MIA2: variants seen among roughly 807,000 people sequenced by gnomAD.
The protein encoded by MIA2 is melanoma inhibitory activity protein 2.
Under a neutral mutation model 167.8 loss-of-function variants are expected in MIA2, and 127 were observed. That is an observed-to-expected ratio of 0.76 (90% confidence interval 0.66 to 0.88). The LOEUF (loss-of-function observed/expected upper bound fraction) is 0.88. Among genes scored for constraint, MIA2 ranks in the 40% least tolerant of loss-of-function variants. MIA2 has a pLI of 0.00. For synonymous variants in MIA2, 552 were observed against 541.9 expected (o/e 1.02, Z -0.26); for missense variants, 1,690 against 1,624.7 (o/e 1.04, Z -0.69).
At position 39,247,328 on chromosome 14, in the gene MIA2, C is replaced by A. The variant is rs762661827; in HGVS notation, c.754C>A (p.Arg252=). ...TGAACCTGTACAAGAAAGCTCATTT[C>A]GGAGTAGAAAAATAGCAGTGGAAGA... is the stretch of plus-strand genomic sequence containing the variant. The part of the protein sequence containing the change: ...VIEPVQESSF[R]SRKIAVEDEN... Residue 252 remains arginine, a synonymous_variant, in exon 4 of 29, where the codon CGG becomes AGG. Transcript: ENST00000640607. 1.2e-6 allele frequency: 2 copies of A among 1,613,780 alleles called. No individual in the cohort carries two copies. Among genetic ancestry groups the A allele is most frequent in the African/African-American group, 1.3e-5 (1 of 74,846 alleles).
At position 39,299,305 on chromosome 14, in the gene MIA2, C is replaced by CTTTTTTTTTTTTT. The variant is rs34424266; in HGVS notation, c.2497-550_2497-538dup. Among the ~76,000 whole-genome samples, 16 of 95,110 alleles carry CTTTTTTTTTTTTT rather than the reference C, an allele frequency of 1.7e-4. 1 individual carries two copies. Among genetic ancestry groups the CTTTTTTTTTTTTT allele is most frequent in the Non-Finnish European group, 1.9e-4 (10 of 52,748 alleles). The allele number at this position is 95,110 out of a possible 152,430, so 62.4% of individuals were successfully genotyped here. Reference sequence around the variant, plus strand: ...GATCTGTTCTAGATTAATGGTATTTCTTTTTTTTTTTTTTTTTTTTTGAGA... The same window carrying CTTTTTTTTTTTTT: ...GATCTGTTCTAGATTAATGGTATTTCTTTTTTTTTTTTTTTTTTTTTTTTTTTTTTTTTTGAGA... On this transcript the variant is annotated intron_variant, in intron 13 of 28. Coordinates refer to ENST00000640607, the MANE Select transcript of MIA2 (RefSeq NM_001329214.4).
chr14:39,265,883 C>T (rs973194122), intron 6 of MIA2: 49 of 646,204 alleles, frequency 7.6e-5, no homozygotes, highest in Non-Finnish European at 9.2e-5. Flanking sequence ...TGTGTAATAC[C>T]TTATACCTTA....
At chr14:39,382,372 A>T (rs2075183331) in intron 23 of MIA2, among the ~76,000 whole-genome samples, 1 of 152,220 alleles carries the variant, frequency 6.6e-6, no homozygotes, top group Admixed American at 6.5e-5. Flanking sequence ...CTTCCTGGTC[A>T]CAAATTTGTA....
intron 23 of MIA2, among the ~76,000 whole-genome samples, chr14:39,382,972 T>C (rs8011616): frequency 0.063 from 9,419 of 148,510 alleles, 164 homozygotes; most frequent in South Asian, 0.15. Context: ...TTTTTTTTTT[T>C]TTTTGGTAAG....
At chr14:39,355,059 T>C (rs1328684472), downstream of MIA2, among the ~76,000 whole-genome samples, 2 of 110,740 alleles carry the variant, frequency 1.8e-5, no homozygotes, top group Non-Finnish European at 3.7e-5. Flanking sequence ...TTTGGTTCCA[T>C]ATGAACTTTA....
intron 6 of MIA2, among the ~76,000 whole-genome samples, chr14:39,257,297 A>G (rs994140186): frequency 1.3e-5 from 2 of 152,208 alleles, no homozygotes; most frequent in African/African-American, 4.8e-5. Flanking sequence ...TATTTAGGAT[A>G]GTTAGCTCTT....
intron 17 of MIA2, among the ~76,000 whole-genome samples, chr14:39,304,871 G>A (rs2063084769): frequency 6.6e-6 from 1 of 152,102 alleles, no homozygotes; most frequent in South Asian, 2.1e-4. Flanking sequence ...TGTTTATTTT[G>A]CTGATAGTGT....
intron 11 of MIA2, 88 bp from the exon 12 acceptor site, chr14:39,293,912 A>G: frequency 1.0e-6 from 1 of 974,846 alleles, no homozygotes; most frequent in Non-Finnish European, 1.6e-6. Flanking sequence ...ATGGAGCTAA[A>G]GTGTTAGGTT....
At position 39,313,361 on chromosome 14, in the gene MIA2, T is replaced by G. The variant is rs1269454319; in HGVS notation, c.3039T>G (p.Asn1013Lys). 6 of 1,595,934 alleles carry G rather than the reference T, an allele frequency of 3.8e-6. No homozygotes were observed. The highest frequency in any genetic ancestry group is 5.1e-6 in the Non-Finnish European group (6 of 1,170,780). ...TAAGGAAATTAACAGTAGAGGAAAATTATCGGTTAGAGAAAGAAGAGAAAC... is the reference window on the plus strand; with the variant it reads ...TAAGGAAATTAACAGTAGAGGAAAAGTATCGGTTAGAGAAAGAAGAGAAAC... ...KLHRKLTVEENYRLEKEEKLS... is the reference protein window; with the variant it reads ...KLHRKLTVEEKYRLEKEEKLS... Residue 1013 changes from asparagine (N) to lysine (K), a missense_variant, in exon 19 of 29, where the codon AAT becomes AAG. By Grantham distance (94) the Asn-to-Lys change is moderately conservative. Coordinates refer to ENST00000640607, the MANE Select transcript of MIA2 (RefSeq NM_001329214.4).
At chr14:39,254,439 C>T (rs977812025) in intron 6 of MIA2, among the ~76,000 whole-genome samples, 2 of 152,088 alleles carry the variant, frequency 1.3e-5, no homozygotes, top group Non-Finnish European at 2.9e-5. Flanking sequence ...TCTATCAATG[C>T]TGTCAAATAA....
At chr14:39,385,361 CAA>C in intron 23 of MIA2, 4 of 948,222 alleles carry the variant, frequency 4.2e-6, no homozygotes, top group South Asian at 2.7e-5. Flanking sequence ...CTTGCACAAA[CAA>C]GACATTCATA....
intron 22 of MIA2, among the ~76,000 whole-genome samples, chr14:39,318,250 AT>A (rs2065841313): frequency 6.6e-6 from 1 of 152,054 alleles, no homozygotes; most frequent in African/African-American, 2.4e-5. Flanking sequence ...TATAACTAGA[AT>A]TTTTTTTAAA....
chr14:39,345,833 A>C (rs1411521475), intron 25 of MIA2, 71 bp from the exon 26 acceptor site: 4 of 1,339,828 alleles, frequency 3.0e-6, no homozygotes, highest in Non-Finnish European at 1.0e-6. Flanking sequence ...GTGTAAGTTC[A>C]ATACGTTAAA....
intron 25 of MIA2, among the ~76,000 whole-genome samples, chr14:39,338,526 T>C (rs1469562830): frequency 6.6e-6 from 1 of 152,210 alleles, no homozygotes; most frequent in Non-Finnish European, 1.5e-5. Flanking sequence ...AGAAAACTTA[T>C]TTATAATTTT....
chr14:39,385,590 T>G (rs2075259701), intron 23 of MIA2: 9 of 810,656 alleles, frequency 1.1e-5, no homozygotes, highest in Non-Finnish European at 1.6e-5. Context: ...ATGAAACAAT[T>G]TCTATATCTA....
intron 6 of MIA2, chr14:39,265,183 C>A (rs1292689276): frequency 6.0e-6 from 3 of 499,208 alleles, no homozygotes; most frequent in African/African-American, 2.0e-5. Flanking sequence ...ATATACTTAA[C>A]AACGAGTGAG....
In MIA2 at chr14:39,264,415, A is replaced by C. The variant is rs140609509; in HGVS notation, c.1887+11244A>C. Among the ~76,000 whole-genome samples, 196 of 152,336 alleles carry C rather than the reference A, an allele frequency of 1.3e-3. 1 individual carries two copies. The highest frequency in any genetic ancestry group is 6.8e-3 in the Middle Eastern group (2 of 294). ...AGTGCTGCAATGAACATGAGAGTGC[A>C]CGTGTCTTTTGTTAGAACAATTTAC... On this transcript the variant is annotated intron_variant, in intron 6 of 28. Coordinates refer to ENST00000640607, the MANE Select transcript of MIA2 (RefSeq NM_001329214.4).
chr14:39,309,118 T>C (rs2063800500), intron 18 of MIA2, among the ~76,000 whole-genome samples: 1 of 152,190 alleles, frequency 6.6e-6, no homozygotes, highest in South Asian at 2.1e-4. Flanking sequence ...TCTGACCACT[T>C]TTTACCATCT....
rs1250130727 is a variant in MIA2 at position 39,252,914 on chromosome 14, G to C, written c.1734G>C (p.Gln578His). ...TGGAAAATACCCTGCTAAATAGTCA[G>C]ATGGTTTCAACTGATAACTCTTTGT... ...RSVENTLLNS[Q>H]MVSTDNSLSS... Residue 578 changes from glutamine to histidine, a missense_variant, in exon 5 of 29, where the codon CAG (glutamine) becomes CAC (histidine). By Grantham distance (24) the Gln-to-His change is conservative. Transcript: ENST00000640607. The C allele has an allele frequency of 1.9e-6, 3 of 1,613,716 alleles. No individual in the cohort carries two copies. The highest frequency in any genetic ancestry group is 1.3e-5 in the African/African-American group (1 of 75,048).
Sources: gnomAD v4.1 joint callset for allele counts (sites outside exome capture counted in the v4.1 genomes callset) on GRCh38, gnomAD v4.1.1 for gene constraint, MANE v1.5 for transcripts, NCBI Gene and HGNC (gene_info 2026-07-23, HGNC 2026-07-21) for gene names.